The following DENND5B variants were observed in gnomAD, a reference collection of about 807,000 sequenced individuals.
The protein encoded by DENND5B is DENN domain containing 5B.
DENND5B carries 34 observed loss-of-function variants against 140.6 expected under a neutral mutation model. The observed-to-expected ratio is 0.24, with a 90% CI of 0.18 to 0.32. DENND5B has a LOEUF of 0.32. Among genes scored for constraint, DENND5B ranks in the 10% least tolerant of loss-of-function variants. The pLI, the probability that DENND5B is intolerant of heterozygous loss-of-function variation, is 1.00. For synonymous variants in DENND5B, 551 were observed against 562.1 expected, an observed-to-expected ratio of 0.98 and a Z score of 0.28; for missense variants, 1,142 against 1,560.2, an observed-to-expected ratio of 0.73 and a Z score of 4.52.
At chr12:31,430,434 A>AC in intron 8 of DENND5B, among the ~76,000 whole-genome samples, 1 of 147,494 alleles carries the variant, frequency 6.8e-6, no homozygotes, top group Non-Finnish European at 1.5e-5. Context: ...TGGGAGGATC[A>AC]CAAGGTCAAG....
intron 6 of DENND5B, among the ~76,000 whole-genome samples, chr12:31,445,948 G>A (rs1290621970): frequency 6.6e-6 from 1 of 151,244 alleles, no homozygotes; most frequent in East Asian, 2.0e-4. Flanking sequence ...AGTTGAGGCT[G>A]CAGTGAGCCA....
intron 13 of DENND5B, among the ~76,000 whole-genome samples, chr12:31,413,157 TCCTCCCACCTTGG>T (rs1391677423): frequency 1.3e-5 from 2 of 152,164 alleles, no homozygotes; most frequent in Non-Finnish European, 2.9e-5. Flanking sequence ...ACTCAAGTGA[TCCTCCCACCTTGG>T]CCTCCCAAAA....
intron 3 of DENND5B, among the ~76,000 whole-genome samples, chr12:31,475,197 T>C (rs530642221): frequency 3.5e-4 from 53 of 152,288 alleles, no homozygotes; most frequent in Middle Eastern, 3.4e-3. Flanking sequence ...AATGCCTTTT[T>C]GTAGCACAAT....
intron 12 of DENND5B, 45 bp from the exon 13 acceptor site, chr12:31,413,609 C>T: frequency 1.3e-6 from 2 of 1,579,542 alleles, no homozygotes; most frequent in Non-Finnish European, 1.7e-6. Context: ...TTAAGGATAA[C>T]CCTGACTAGA....
At chr12:31,436,320 C>T (rs1202703976) in intron 7 of DENND5B, among the ~76,000 whole-genome samples, 7 of 150,250 alleles carry the variant, frequency 4.7e-5, no homozygotes, top group African/African-American at 1.5e-4. Flanking sequence ...AGGCTGGTCT[C>T]GAACTCCTGA....
At chr12:31,482,876 A>C (rs811088) in intron 2 of DENND5B, among the ~76,000 whole-genome samples, 11,836 of 152,212 alleles carry the variant, frequency 0.078, 1,046 homozygotes, top group African/African-American at 0.22. Context: ...CTCTTGCCAA[A>C]ATTCTCCAAT....
rs1943101064 is a variant in DENND5B at position 31,423,128 on chromosome 12, A to G, written c.2470+469T>C. On this transcript the variant is annotated intron_variant, in intron 11 of 20. Transcript: ENST00000389082. ...GGTAATTTTTGCATTTTTTGTAGAGATGGGGTTTCACCGTGTTGGCCAGGC... is the reference window on the plus strand; with the variant it reads ...GGTAATTTTTGCATTTTTTGTAGAGGTGGGGTTTCACCGTGTTGGCCAGGC... Among the ~76,000 whole-genome samples, 3 of 151,978 alleles carry G rather than the reference A, an allele frequency of 2.0e-5. No individual in the cohort carries two copies. The South Asian group carries it at 6.2e-4, about 32-fold the overall frequency.
intron 1 of DENND5B, among the ~76,000 whole-genome samples, chr12:31,515,520 G>A (rs963192048): frequency 8.5e-5 from 13 of 152,218 alleles, no homozygotes; most frequent in Admixed American, 3.3e-4. Flanking sequence ...CTTACATGGT[G>A]GGTAAATTTT....
chr12:31,497,997 A>T (rs1213889322), intron 1 of DENND5B, among the ~76,000 whole-genome samples: 1 of 151,346 alleles, frequency 6.6e-6, no homozygotes, highest in Non-Finnish European at 1.5e-5. Context: ...AGAAAGGAAA[A>T]GAAAAGAAAG....
At chr12:31,547,978 C>T (rs11051456) in intron 1 of DENND5B, among the ~76,000 whole-genome samples, 111,867 of 152,042 alleles carry the variant, frequency 0.74, 41,356 homozygotes, top group East Asian at 0.88. Context: ...AGTGCTGGGA[C>T]TGAAGGTGTG....
intron 1 of DENND5B, among the ~76,000 whole-genome samples, chr12:31,582,661 G>A (rs1017325043): frequency 3.3e-5 from 5 of 152,196 alleles, no homozygotes; most frequent in Non-Finnish European, 7.3e-5. Context: ...ATGCATGCAA[G>A]AGAAATTACT....
chr12:31,445,311 G>T (rs564362968), intron 6 of DENND5B, among the ~76,000 whole-genome samples: 1 of 152,142 alleles, frequency 6.6e-6, no homozygotes, highest in East Asian at 1.9e-4. Flanking sequence ...ACCATGGCTC[G>T]ACCAATCACT....
At chr12:31,573,979 A>G (rs1283103839) in intron 1 of DENND5B, among the ~76,000 whole-genome samples, 5 of 151,106 alleles carry the variant, frequency 3.3e-5, no homozygotes, top group Non-Finnish European at 7.4e-5. Context: ...AAAAAAAAAA[A>G]AAAGGCACAG....
intron 17 of DENND5B, among the ~76,000 whole-genome samples, chr12:31,396,666 G>T (rs1188484435): frequency 6.6e-6 from 1 of 151,998 alleles, no homozygotes; most frequent in East Asian, 1.9e-4. Context: ...CACTCAAGCT[G>T]GAATACAGTG....
At chr12:31,432,282 A>G (rs974741446) in intron 8 of DENND5B, 1 of 188,844 alleles carries the variant, frequency 5.3e-6, no homozygotes, top group Non-Finnish European at 9.8e-6. Flanking sequence ...AAAATACAGT[A>G]GCCGGAAAAA....
rs1407577456 is a variant in DENND5B, at chr12:31,583,603, G to A, written c.127+7103C>T. On this transcript the variant is annotated intron_variant, in intron 1 of 20. Transcript: ENST00000389082. ...TGAGGCACGAGAATCACTTAAACCT[G>A]GGAGGCAGAGGTTGCAGTGAGCCGA... Among the ~76,000 whole-genome samples the A allele has an allele frequency of 2.0e-5, 3 of 152,020 alleles. No homozygotes were observed. The East Asian group carries it at 5.8e-4, about 29-fold the overall frequency.
Position 31,460,374 on chromosome 12 carries a change from T to C in DENND5B, c.912A>G (p.Gln304=), listed in dbSNP as rs753506541. Residue 304 remains glutamine (Q), a synonymous_variant, in exon 4 of 21, where the codon CAA becomes CAG. Coordinates refer to ENST00000389082, the MANE Select transcript of DENND5B (RefSeq NM_144973.4). The stretch of plus-strand genomic sequence containing the variant: ...TGCCTTCTGCCACAGTCATCAGGCG[T>C]TGATAATCTGCACAGAACAAGGAAA... ...MQILLYSQDY[Q]RLMTVAEGIT... 3 of 1,613,676 alleles carry C rather than the reference T, an allele frequency of 1.9e-6. No homozygotes were observed. The highest frequency in any genetic ancestry group is 1.7e-6 in the Non-Finnish European group (2 of 1,179,774).
At chr12:31,467,842 T>C (rs900939022) in intron 3 of DENND5B, among the ~76,000 whole-genome samples, 2 of 151,842 alleles carry the variant, frequency 1.3e-5, no homozygotes, top group African/African-American at 2.4e-5. Flanking sequence ...AAAAAGAGCA[T>C]ATAACATCTA....
chr12:31,590,872 CG>C lies in DENND5B; in HGVS notation c.-41del. On this transcript the variant is annotated 5_prime_UTR_variant, in exon 1 of 21. Coordinates refer to ENST00000389082, the MANE Select transcript of DENND5B (RefSeq NM_144973.4). ...TCCAGGGGCCGCCGCCGCCGCCGCCCGGGAAGGCTTTCTGCGGAGGCTGCCA... is the reference window on the plus strand; with the variant it reads ...TCCAGGGGCCGCCGCCGCCGCCGCCCGGAAGGCTTTCTGCGGAGGCTGCCA... 8.4e-7 allele frequency: 1 copy of C among 1,189,060 alleles called. No individual in the cohort carries two copies. Among genetic ancestry groups the C allele is most frequent in the Non-Finnish European group, 1.0e-6 (1 of 963,360 alleles). 73.7% of individuals were successfully genotyped at this position (1,189,060 alleles called of 1,614,324 possible). A position where few individuals can be genotyped will look rare whatever the true frequency, so the allele number is the denominator to read the frequency against.
Sources: gnomAD v4.1 joint callset for allele counts (sites outside exome capture counted in the v4.1 genomes callset) on GRCh38, gnomAD v4.1.1 for gene constraint, MANE v1.5 for transcripts, NCBI Gene and HGNC (gene_info 2026-07-23, HGNC 2026-07-21) for gene names.